The following ABCB11 variants were observed in gnomAD, a reference collection of about 807,000 sequenced individuals.
ABCB11 encodes the protein bile salt export pump.
Under a neutral mutation model 148.0 loss-of-function variants are expected in ABCB11, and 95 were observed. The ratio of observed to expected loss-of-function variants is 0.64; its 90% CI spans 0.54 to 0.76. ABCB11 has a LOEUF of 0.76. Ranked by LOEUF, ABCB11 falls within the 30% of genes least tolerant of loss-of-function variation. The pLI is 0.00. For missense variants in ABCB11, 1,523 were observed against 1,617.8 expected, an observed-to-expected ratio of 0.94 and a Z score of 1.01; for synonymous variants, 591 against 555.4, an observed-to-expected ratio of 1.06 and a Z score of -0.90.
intron 19 of ABCB11, among the ~76,000 whole-genome samples, chr2:168,952,289 A>G (rs1199674203): frequency 6.6e-6 from 1 of 151,610 alleles, no homozygotes; most frequent in Non-Finnish European, 1.5e-5. Context: ...AAATAGTTTC[A>G]GGAGGATTGG....
intron 14 of ABCB11, 32 bp from the exon 15 acceptor site, chr2:168,970,247 A>G (rs1383714815): frequency 5.0e-6 from 8 of 1,599,272 alleles, no homozygotes; most frequent in Admixed American, 3.5e-5. Context: ...TCATGAAGGG[A>G]AAAGAATTTG....
intron 11 of ABCB11, 143 bp downstream of exon 11, chr2:168,979,723 C>A: frequency 2.9e-6 from 1 of 340,206 alleles, no homozygotes; most frequent in Non-Finnish European, 5.4e-6. Context: ...CACATGATAG[C>A]ATTTAATAAG....
chr2:168,987,420 T>C (rs1558910499), intron 9 of ABCB11, among the ~76,000 whole-genome samples: 1 of 152,276 alleles, frequency 6.6e-6, no homozygotes, highest in East Asian at 1.9e-4. Flanking sequence ...TAATGCTCTA[T>C]AACTTTTCAA....
intron 18 of ABCB11, among the ~76,000 whole-genome samples, chr2:168,959,727 C>T (rs971348862): frequency 1.3e-5 from 2 of 151,504 alleles, no homozygotes; most frequent in Non-Finnish European, 3.0e-5. Context: ...AAGAGTCAGG[C>T]TCCTCAAGCC....
chr2:169,009,729 TA>T (rs1438610931), intron 5 of ABCB11, among the ~76,000 whole-genome samples: 1 of 150,618 alleles, frequency 6.6e-6, no homozygotes, highest in African/African-American at 2.4e-5. Flanking sequence ...AAAGTATAAT[TA>T]AAAAAAAGGA....
At chr2:169,011,833 TA>T (rs971134537) in intron 5 of ABCB11, among the ~76,000 whole-genome samples, 9 of 152,118 alleles carry the variant, frequency 5.9e-5, no homozygotes, top group African/African-American at 1.9e-4. Context: ...AGCTATTTTT[TA>T]AAAAAATTTT....
chr2:169,014,320 C>CT lies in ABCB11; in HGVS notation c.132dup (p.Val45SerfsTer14). The CT allele has an allele frequency of 6.2e-7, 1 of 1,613,480 alleles. No individual in the cohort carries two copies. The highest frequency in any genetic ancestry group is 8.5e-7 in the Non-Finnish European group (1 of 1,179,590). ...TTTATTACCAATTGAAAGAAGCCAA[C>CT]TCTAACGCCATCACCTTTCTTCTCA... On this transcript the variant is annotated frameshift_variant, in exon 4 of 28. Coordinates refer to ENST00000650372, the MANE Select transcript of ABCB11 (RefSeq NM_003742.4). LOFTEE classifies it high-confidence loss of function.
chr2:169,026,306 T>C (rs2106074857), intron 1 of ABCB11, among the ~76,000 whole-genome samples: 1 of 152,340 alleles, frequency 6.6e-6, no homozygotes, highest in South Asian at 2.1e-4. Flanking sequence ...AGTCCACTGT[T>C]CTTTTTTGAC....
At chr2:168,992,184 A>G (rs1262870311) in intron 8 of ABCB11, among the ~76,000 whole-genome samples, 1 of 151,964 alleles carries the variant, frequency 6.6e-6, no homozygotes, top group Non-Finnish European at 1.5e-5. Flanking sequence ...ACAGACTTGA[A>G]AGCAAGACAA....
chr2:168,964,272 A>G lies in ABCB11; in HGVS notation c.2112T>C (p.Ser704=). Residue 704 remains serine (S), a synonymous_variant, in exon 18 of 28, where the codon TCT becomes TCC. Coordinates refer to ENST00000650372, the MANE Select transcript of ABCB11 (RefSeq NM_003742.4). ...CTAATGGAGGTTCGTGCACCAGGTA[A>G]GAAAGCTGAGACTTGGAGCGTTGCC... ...SIRQRSKSQL[S]YLVHEPPLAV... 6.4e-7 allele frequency: 1 copy of G among 1,570,458 alleles called. No individual in the cohort carries two copies. Among genetic ancestry groups the G allele is most frequent in the East Asian group, 2.3e-5 (1 of 42,804 alleles).
At chr2:169,025,643 G>T (rs1695673063) in intron 1 of ABCB11, among the ~76,000 whole-genome samples, 1 of 152,048 alleles carries the variant, frequency 6.6e-6, no homozygotes. Flanking sequence ...GGTTTCAATT[G>T]CTTACATTTT....
chr2:169,020,542 C>A (rs76291701), intron 1 of ABCB11, among the ~76,000 whole-genome samples: 1 of 151,992 alleles, frequency 6.6e-6, no homozygotes, highest in South Asian at 2.1e-4. Context: ...TCAGTAATTA[C>A]GGTAAATGTA....
At chr2:168,929,024 C>T (rs1691447289) in intron 25 of ABCB11, among the ~76,000 whole-genome samples, 2 of 152,102 alleles carry the variant, frequency 1.3e-5, no homozygotes, top group African/African-American at 4.8e-5. Context: ...CATTTCTCTT[C>T]ATAATGTTAT....
chr2:168,993,978 T>C, intron 7 of ABCB11, 96 bp from the exon 8 acceptor site: 1 of 1,060,194 alleles, frequency 9.4e-7, no homozygotes, highest in Non-Finnish European at 1.4e-6. Context: ...CATTCCCATC[T>C]CTCTATCCCT....
chr2:168,936,421 G>C lies in ABCB11; in HGVS notation c.2623C>G (p.Gln875Glu), dbSNP rs1559184972. 7 of 1,613,882 alleles carry C rather than the reference G, an allele frequency of 4.3e-6. No individual in the cohort carries two copies. Among genetic ancestry groups the C allele is most frequent in the Non-Finnish European group, 5.9e-6 (7 of 1,179,874 alleles). ...AAGGAATTGACTATCATCCCGATCTGAGAGCCGGCAGCCTGCAAACCAAAA... is the reference window on the plus strand; with the variant it reads ...AAGGAATTGACTATCATCCCGATCTCAGAGCCGGCAGCCTGCAAACCAAAA... The part of the protein sequence containing the change: ...ASQVQGAAGS[Q>E]IGMIVNSFTN... The change falls in exon 22 of 28, where the codon CAG (glutamine) becomes GAG (glutamate). Residue 875 changes from glutamine to glutamate, a missense_variant. Gln to Glu is a conservative substitution (Grantham distance 29). Coordinates refer to ENST00000650372, the MANE Select transcript of ABCB11 (RefSeq NM_003742.4).
At position 168,955,658 on chromosome 2, in the gene ABCB11, A is replaced by G. The variant is rs1476765736; in HGVS notation, c.2343+2306T>C. 4.6e-5 allele frequency among the ~76,000 whole-genome samples: 7 copies of G among 151,580 alleles called. No homozygotes were observed. In the South Asian group the frequency reaches 1.2e-3, roughly 27 times the overall value. ...CCGCCCCTGACCCCTCCAAAAACTC[A>G]TGTCCTTCTTACATTTCAAAACACA... On this transcript the variant is annotated intron_variant, in intron 19 of 27. Coordinates refer to ENST00000650372, the MANE Select transcript of ABCB11 (RefSeq NM_003742.4).
chr2:168,958,387 A>T (rs2105935807), intron 18 of ABCB11, among the ~76,000 whole-genome samples: 1 of 151,826 alleles, frequency 6.6e-6, no homozygotes, highest in Non-Finnish European at 1.5e-5. Context: ...TTACATGTGT[A>T]TTAACTCTCA....
At chr2:168,961,532 T>G (rs1485907316) in intron 18 of ABCB11, among the ~76,000 whole-genome samples, 1 of 151,746 alleles carries the variant, frequency 6.6e-6, no homozygotes, top group Non-Finnish European at 1.5e-5. Context: ...TGATCCTGAC[T>G]TGATCTCATA....
At chr2:168,982,323 G>A (rs1159792902) in intron 10 of ABCB11, among the ~76,000 whole-genome samples, 5 of 152,076 alleles carry the variant, frequency 3.3e-5, no homozygotes, top group Non-Finnish European at 7.4e-5. Context: ...TTTTTAAGTG[G>A]TAGTATAATG....
Sources: allele counts gnomAD v4.1 joint callset (sites outside exome capture counted in the v4.1 genomes callset), GRCh38; gene constraint gnomAD v4.1.1; transcripts MANE v1.5; gene names NCBI Gene and HGNC (gene_info 2026-07-23, HGNC 2026-07-21).